STK17B: variants seen among roughly 807,000 people sequenced by gnomAD.
STK17B encodes serine/threonine kinase 17b.
A neutral mutation model predicts 42.0 loss-of-function variants in STK17B; 21 were observed. The ratio of observed to expected loss-of-function variants is 0.50; its 90% confidence interval spans 0.35 to 0.72. The LOEUF (loss-of-function observed/expected upper bound fraction) is 0.72, where lower values mean the gene tolerates loss of function less well. Among genes scored for constraint, STK17B ranks in the 30% least tolerant of loss-of-function variants. The probability of loss-of-function intolerance (pLI) is 0.00; values close to 1 mark genes in which losing one functional copy is unlikely to be tolerated. For missense variants in STK17B, 349 were observed against 446.0 expected (o/e 0.78, Z 1.96); for synonymous variants, 143 against 148.4 (o/e 0.96, Z 0.26).
rs181526765 is a variant in STK17B, at chr2:196,157,305, G to A, written c.123-654C>T. 5.7e-4 allele frequency among the ~76,000 whole-genome samples: 87 copies of A among 152,252 alleles called. 1 individual carries two copies. The highest frequency in any genetic ancestry group is 1.5e-5 in the Non-Finnish European group (1 of 68,020). On this transcript the variant is annotated intron_variant, in intron 2 of 7. Coordinates refer to ENST00000263955, the MANE Select transcript of STK17B (RefSeq NM_004226.4). ...CTCCTGTTCTTCACACCTCAGAGAA[G>A]ATATGTAATTTAGTCAAGGTAAAGA... is the stretch of plus-strand genomic sequence containing the variant.
chr2:196,146,753 C>T (rs1699582706), intron 3 of STK17B, among the ~76,000 whole-genome samples: 2 of 151,750 alleles, frequency 1.3e-5, no homozygotes, highest in African/African-American at 2.4e-5. Context: ...TATTTTGAGC[C>T]TCATGACAAA....
At chr2:196,145,043 T>G (rs1699551343) in intron 4 of STK17B, among the ~76,000 whole-genome samples, 1 of 151,422 alleles carries the variant, frequency 6.6e-6, no homozygotes, top group South Asian at 2.1e-4. Context: ...GGGAGCGTGA[T>G]TATCTTGGCA....
rs925459506 is a variant in STK17B at position 196,133,800 on chromosome 2, A to G, written c.*3647T>C. On this transcript the variant is annotated 3_prime_UTR_variant, in exon 8 of 8. Coordinates refer to ENST00000263955, the MANE Select transcript of STK17B (RefSeq NM_004226.4). The stretch of plus-strand genomic sequence containing the variant: ...GGAATACTCATAATAATGTCTGTCT[A>G]TATGCCTTAAGCAAGATTATTATTT... The G allele has an allele frequency of 6.6e-6, 1 of 152,246 alleles. No individual in the cohort carries two copies. Among genetic ancestry groups the G allele is most frequent in the Non-Finnish European group, 1.5e-5 (1 of 68,042 alleles). 9.4% of individuals were successfully genotyped at this position (152,246 alleles called of 1,614,324 possible).
rs1699359468 is a variant in STK17B at position 196,133,990 on chromosome 2, C to T, written c.*3457G>A. 1 of 152,054 alleles carries T rather than the reference C, an allele frequency of 6.6e-6. No individual in the cohort carries two copies. The highest frequency in any genetic ancestry group is 2.1e-4 in the South Asian group (1 of 4,826). The allele number at this position is 152,054 out of a possible 1,614,324, so 9.4% of individuals were successfully genotyped here. ...TTGTTTATACAACAATGAATAAGGA[C>T]AAGATATCAAACTGAAAATTCAAAA... On this transcript the variant is annotated 3_prime_UTR_variant, in exon 8 of 8. Coordinates refer to ENST00000263955, the MANE Select transcript of STK17B (RefSeq NM_004226.4).
chr2:196,153,272 T>C (rs778602447), intron 3 of STK17B: 1 of 50,624 alleles, frequency 2.0e-5, no homozygotes, highest in Non-Finnish European at 5.4e-5. Context: ...AAAAAACAGT[T>C]GTACTAAGTA....
At chr2:196,168,248 G>T (rs994565454) in intron 1 of STK17B, among the ~76,000 whole-genome samples, 3 of 152,102 alleles carry the variant, frequency 2.0e-5, no homozygotes, top group African/African-American at 7.2e-5. Context: ...ATGACTCCTA[G>T]GCCTGACTCT....
chr2:196,166,576 C>T (rs1410578527), intron 1 of STK17B, among the ~76,000 whole-genome samples: 1 of 152,102 alleles, frequency 6.6e-6, no homozygotes, highest in Non-Finnish European at 1.5e-5. Context: ...GAAGGTAAGA[C>T]ACAATTAAGC....
chr2:196,173,127 C>T (rs931711123), upstream of STK17B, among the ~76,000 whole-genome samples: 5 of 152,294 alleles, frequency 3.3e-5, no homozygotes, highest in African/African-American at 9.6e-5. Flanking sequence ...CACACCTAGA[C>T]ACAGACTTTT....
intron 2 of STK17B, among the ~76,000 whole-genome samples, chr2:196,158,830 T>C (rs183383181): frequency 1.8e-4 from 27 of 152,048 alleles, no homozygotes; most frequent in Admixed American, 1.2e-3. Flanking sequence ...ACTAACACTA[T>C]GAAATCCCGT....
intron 2 of STK17B, among the ~76,000 whole-genome samples, 171 bp downstream of exon 2, chr2:196,163,091 G>C (rs1489891360): frequency 6.6e-6 from 1 of 152,138 alleles, no homozygotes; most frequent in African/African-American, 2.4e-5. Context: ...ACCCTCCACA[G>C]ATTTGATTTT....
chr2:196,164,292 C>A (rs1195937350), intron 1 of STK17B, among the ~76,000 whole-genome samples: 1 of 152,094 alleles, frequency 6.6e-6, no homozygotes, highest in Non-Finnish European at 1.5e-5. Context: ...AGAGTCCCTC[C>A]TTTGACAGGA....
intron 4 of STK17B, 40 bp downstream of exon 4, chr2:196,145,871 G>A: frequency 2.6e-6 from 4 of 1,518,436 alleles, no homozygotes; most frequent in Non-Finnish European, 3.5e-6. Flanking sequence ...AGCAGAAGAA[G>A]AACACAGATG....
chr2:196,143,185 C>A (rs1483958729), intron 5 of STK17B, among the ~76,000 whole-genome samples: 1 of 152,216 alleles, frequency 6.6e-6, no homozygotes, highest in Admixed American at 6.5e-5. Flanking sequence ...GAAGTGAGAT[C>A]TAGCCAACAG....
At chr2:196,158,131 C>A (rs1699762726) in intron 2 of STK17B, among the ~76,000 whole-genome samples, 2 of 152,112 alleles carry the variant, frequency 1.3e-5, no homozygotes, top group Admixed American at 1.3e-4. Flanking sequence ...ACTCCTCTTG[C>A]CTCAATTCCC....
intron 3 of STK17B, among the ~76,000 whole-genome samples, chr2:196,152,315 G>A (rs1337434075): frequency 6.6e-6 from 1 of 151,928 alleles, no homozygotes; most frequent in African/African-American, 2.4e-5. Context: ...CACCCTGTTA[G>A]CCAGAATAGT....
At chr2:196,150,337 A>G (rs1699649057) in intron 3 of STK17B, among the ~76,000 whole-genome samples, 1 of 152,198 alleles carries the variant, frequency 6.6e-6, no homozygotes, top group Non-Finnish European at 1.5e-5. Flanking sequence ...GATATCAACA[A>G]AAGAAATTTA....
Position 196,139,643 on chromosome 2 carries a change from C to A in STK17B, c.813G>T (p.Gln271His). Residue 271 changes from glutamine (Q) to histidine (H), a missense_variant, in exon 7 of 8, where the codon CAG (glutamine) becomes CAT (histidine). By Grantham distance (24) the Gln-to-His change is conservative. Transcript: ENST00000263955. ...SVSQLATDFIQSLLVKNPEKR... is the reference protein window; with the variant it reads ...SVSQLATDFIHSLLVKNPEKR... ...ACTCTGGATTTTTTACTAAAAGGCTCTGAATAAAGTCTGTGGCCAGCTGTG... is the reference window on the plus strand; with the variant it reads ...ACTCTGGATTTTTTACTAAAAGGCTATGAATAAAGTCTGTGGCCAGCTGTG... The A allele has an allele frequency of 7.1e-7, 1 of 1,408,204 alleles. No individual in the cohort carries two copies. The highest frequency in any genetic ancestry group is 1.9e-5 in the South Asian group (1 of 53,040). The allele number at this position is 1,408,204 out of a possible 1,614,324, so 87.2% of individuals were successfully genotyped here. A position where few individuals can be genotyped will look rare whatever the true frequency, so the allele number is the denominator to read the frequency against.
At chr2:196,149,320 C>T (rs1316296115) in intron 3 of STK17B, among the ~76,000 whole-genome samples, 1 of 152,130 alleles carries the variant, frequency 6.6e-6, no homozygotes, top group African/African-American at 2.4e-5. Flanking sequence ...CGTGGCACCA[C>T]ACCCGGCTAA....
At position 196,163,371 on chromosome 2, in the gene STK17B, T is replaced by C. The variant is rs1220160297; in HGVS notation, c.13A>G (p.Arg5Gly). ...CCTGAAATACTTCGGCAATCAAATCTCCTCCTCGACATGTTAGGTGATTCC... is the reference window on the plus strand; with the variant it reads ...CCTGAAATACTTCGGCAATCAAATCCCCTCCTCGACATGTTAGGTGATTCC... MSRRRFDCRSISGLL... is the reference protein window; with the variant it reads MSRRGFDCRSISGLL... The change falls in exon 2 of 8, where the codon AGA (arginine) becomes GGA (glycine). Residue 5 changes from arginine (R) to glycine (G), a missense_variant. Physicochemically the swap from Arg to Gly is moderately radical, Grantham distance 125 (BLOSUM62 -2). Transcript: ENST00000263955. 8 of 1,596,122 alleles carry C rather than the reference T, an allele frequency of 5.0e-6. No homozygotes were observed. Among genetic ancestry groups the C allele is most frequent in the Non-Finnish European group, 6.0e-6 (7 of 1,174,824 alleles).
Sources: gnomAD v4.1 joint callset for allele counts (sites outside exome capture counted in the v4.1 genomes callset) on GRCh38, gnomAD v4.1.1 for gene constraint, MANE v1.5 for transcripts, NCBI Gene and HGNC (gene_info 2026-07-23, HGNC 2026-07-21) for gene names.